The following ZCWPW2 variants were observed in gnomAD, a reference collection of about 807,000 sequenced individuals.
The protein encoded by ZCWPW2 is zinc finger CW-type and PWWP domain containing 2.
Under a neutral mutation model 46.6 loss-of-function variants are expected in ZCWPW2, and 45 were observed. The observed-to-expected ratio is 0.96, with a 90% CI of 0.76 to 1.24. The LOEUF (loss-of-function observed/expected upper bound fraction) is 1.24, where lower values mean the gene tolerates loss of function less well. Ranked by LOEUF, ZCWPW2 falls within the 50% of genes most tolerant of loss-of-function variation. The pLI is 0.00. For missense variants in ZCWPW2, 429 were observed against 403.9 expected (o/e 1.06, Z -0.53); for synonymous variants, 152 against 137.1 (o/e 1.11, Z -0.76).
intron 6 of ZCWPW2, among the ~76,000 whole-genome samples, chr3:28,495,985 A>T (rs1256108229): frequency 6.6e-6 from 1 of 152,118 alleles, no homozygotes; most frequent in Non-Finnish European, 1.5e-5. Context: ...AACTACAAAT[A>T]TAATTTTATA....
chr3:28,366,446 T>G (rs1313237375), intron 1 of ZCWPW2, among the ~76,000 whole-genome samples: 1 of 114,290 alleles, frequency 8.7e-6, no homozygotes, highest in Non-Finnish European at 1.8e-5. Flanking sequence ...GGATTATGTT[T>G]ATTGATTTTC....
intron 6 of ZCWPW2, among the ~76,000 whole-genome samples, chr3:28,512,318 C>T (rs1700449093): frequency 2.6e-5 from 4 of 152,048 alleles, no homozygotes; most frequent in Admixed American, 2.0e-4. Context: ...GCTGGAATTA[C>T]AGGTGTGCAC....
At chr3:28,358,244 C>T (rs1704813793) in intron 1 of ZCWPW2, among the ~76,000 whole-genome samples, 1 of 152,114 alleles carries the variant, frequency 6.6e-6, no homozygotes, top group Admixed American at 6.6e-5. Flanking sequence ...TTATACTTCT[C>T]TTAAATTCCT....
chr3:28,452,285 T>C (rs959870803), intron 4 of ZCWPW2, among the ~76,000 whole-genome samples: 3 of 152,116 alleles, frequency 2.0e-5, no homozygotes, highest in African/African-American at 7.2e-5. Flanking sequence ...TATTTATTTA[T>C]TTATTTGTTT....
chr3:28,409,652 G>T (rs931291500), intron 2 of ZCWPW2, among the ~76,000 whole-genome samples: 8 of 152,226 alleles, frequency 5.3e-5, no homozygotes, highest in African/African-American at 1.7e-4. Context: ...AGAAGGTAGA[G>T]ATATTGATTA....
chr3:28,408,959 G>C (rs2125736643), intron 2 of ZCWPW2, among the ~76,000 whole-genome samples: 1 of 151,872 alleles, frequency 6.6e-6, no homozygotes, highest in East Asian at 1.9e-4. Context: ...TGTGAATTAG[G>C]GTAAAGAGCC....
At chr3:28,386,295 C>G (rs1023265852) in intron 1 of ZCWPW2, among the ~76,000 whole-genome samples, 1 of 152,090 alleles carries the variant, frequency 6.6e-6, no homozygotes, top group African/African-American at 2.4e-5. Flanking sequence ...GATCCAGCAA[C>G]GAGGCATCAG....
chr3:28,455,067 T>A (rs1369997817), intron 4 of ZCWPW2, among the ~76,000 whole-genome samples: 1 of 152,212 alleles, frequency 6.6e-6, no homozygotes, highest in Non-Finnish European at 1.5e-5. Flanking sequence ...CACACTGTCT[T>A]CCACAATGGT....
At chr3:28,421,357 C>A (rs2125747889) in intron 3 of ZCWPW2, among the ~76,000 whole-genome samples, 1 of 152,222 alleles carries the variant, frequency 6.6e-6, no homozygotes. Flanking sequence ...TTTTCTGCCA[C>A]CACCTGAGCA....
At chr3:28,420,623 A>G (rs1696733095) in intron 3 of ZCWPW2, among the ~76,000 whole-genome samples, 1 of 137,376 alleles carries the variant, frequency 7.3e-6, no homozygotes, top group African/African-American at 2.7e-5. Context: ...CTTAATTTCT[A>G]TTTTCTCAAC....
chr3:28,425,589 T>A (rs2125752997), intron 3 of ZCWPW2, among the ~76,000 whole-genome samples: 1 of 152,310 alleles, frequency 6.6e-6, no homozygotes, highest in South Asian at 2.1e-4. Flanking sequence ...CTCAATCTTG[T>A]CAACATTTCA....
At chr3:28,375,672 T>G (rs1705478361) in intron 1 of ZCWPW2, among the ~76,000 whole-genome samples, 1 of 151,992 alleles carries the variant, frequency 6.6e-6, no homozygotes, top group African/African-American at 2.4e-5. Flanking sequence ...AAAAATACAA[T>G]TAAGTTTATT....
rs374717923 is a variant in ZCWPW2, at chr3:28,381,755, A to G, written c.-133-8743A>G. Among the ~76,000 whole-genome samples the G allele has an allele frequency of 2.1e-4, 32 of 152,212 alleles. No individual in the cohort carries two copies. The East Asian group carries it at 5.8e-3, about 28-fold the overall frequency. On this transcript the variant is annotated intron_variant, in intron 1 of 9. Coordinates refer to ENST00000383768, the MANE Select transcript of ZCWPW2 (RefSeq NM_001040432.4). Reference sequence around the variant, plus strand: ...GAGCTATGATCCCACCACTGCACCCAGGCCTGGGCAACAGAGAGAACCCTT... The same window carrying G: ...GAGCTATGATCCCACCACTGCACCCGGGCCTGGGCAACAGAGAGAACCCTT...
chr3:28,382,251 C>A (rs1278227328), intron 1 of ZCWPW2, among the ~76,000 whole-genome samples: 1 of 151,578 alleles, frequency 6.6e-6, no homozygotes, highest in East Asian at 1.9e-4. Context: ...ACCCTGTTGA[C>A]AGGATGGGTC....
intron 1 of ZCWPW2, among the ~76,000 whole-genome samples, chr3:28,353,504 G>A (rs1704627950): frequency 6.6e-6 from 1 of 152,146 alleles, no homozygotes; most frequent in Admixed American, 6.6e-5. Context: ...TCAAAAAGAT[G>A]CATGATGGTA....
intron 4 of ZCWPW2, chr3:28,461,794 G>A (rs1465396486): frequency 6.6e-6 from 1 of 152,076 alleles, no homozygotes; most frequent in Non-Finnish European, 1.5e-5. Context: ...AAACAGTATA[G>A]TATGTTAGTT....
At chr3:28,491,660 G>C (rs925948894) in intron 5 of ZCWPW2, among the ~76,000 whole-genome samples, 1 of 152,026 alleles carries the variant, frequency 6.6e-6, no homozygotes, top group African/African-American at 2.4e-5. Context: ...ATTTATCTCA[G>C]CTGTGAAGTG....
intron 1 of ZCWPW2, among the ~76,000 whole-genome samples, chr3:28,355,305 C>A (rs900021625): frequency 6.6e-6 from 1 of 152,150 alleles, no homozygotes; most frequent in African/African-American, 2.4e-5. Flanking sequence ...ATGTGAAGGA[C>A]CTCTTCAAGG....
intron 1 of ZCWPW2, among the ~76,000 whole-genome samples, chr3:28,352,334 G>A (rs907443652): frequency 1.3e-5 from 2 of 152,244 alleles, no homozygotes; most frequent in African/African-American, 4.8e-5. Context: ...TATAGTTAAG[G>A]ATAGTTTAAG....
Sources: gnomAD v4.1 joint callset for allele counts (sites outside exome capture counted in the v4.1 genomes callset) on GRCh38, gnomAD v4.1.1 for gene constraint, MANE v1.5 for transcripts, NCBI Gene and HGNC (gene_info 2026-07-23, HGNC 2026-07-21) for gene names.